Variants in ADGRL3 observed in about 807,000 individuals in gnomAD.
ADGRL3 encodes the protein adhesion G protein-coupled receptor L3.
ADGRL3 carries 62 observed loss-of-function variants against 153.5 expected under a neutral mutation model. The ratio of observed to expected loss-of-function variants is 0.40; its 90% confidence interval spans 0.33 to 0.50. The LOEUF is 0.50. Ranked by LOEUF, ADGRL3 falls within the 20% of genes least tolerant of loss-of-function variation. ADGRL3 has a pLI of 0.47. For synonymous variants in ADGRL3, 710 were observed against 672.5 expected, an observed-to-expected ratio of 1.06 and a Z score of -0.86; for missense variants, 1,641 against 1,859.4, an observed-to-expected ratio of 0.88 and a Z score of 2.16.
intron 2 of ADGRL3, among the ~76,000 whole-genome samples, chr4:61,405,791 C>T (rs1000946349): frequency 6.6e-6 from 1 of 151,812 alleles, no homozygotes; most frequent in Admixed American, 6.6e-5. Context: ...TAATGGTAAG[C>T]TTTCTAAATA....
intron 1 of ADGRL3, among the ~76,000 whole-genome samples, chr4:61,266,009 C>A (rs2092823978): frequency 1.3e-5 from 2 of 151,824 alleles, no homozygotes; most frequent in Admixed American, 6.6e-5. Flanking sequence ...ATATTTAAGT[C>A]TTTTTATATT....
intron 1 of ADGRL3, among the ~76,000 whole-genome samples, chr4:61,229,141 A>AG (rs1365085136): frequency 6.6e-6 from 1 of 152,182 alleles, no homozygotes; most frequent in African/African-American, 2.4e-5. Flanking sequence ...CTATAGGCTG[A>AG]GGCTTTGATT....
chr4:61,668,206 G>A (rs1291523115), intron 5 of ADGRL3, among the ~76,000 whole-genome samples: 1 of 152,204 alleles, frequency 6.6e-6, no homozygotes, highest in African/African-American at 2.4e-5. Context: ...AAAATGTGAT[G>A]TGACTTTAGA....
chr4:61,673,423 A>G (rs1270429108), intron 5 of ADGRL3, among the ~76,000 whole-genome samples: 3 of 151,836 alleles, frequency 2.0e-5, no homozygotes, highest in African/African-American at 7.2e-5. Context: ...ACCAAAAAGC[A>G]TGTTTTTAAT....
At chr4:61,537,288 A>T (rs971546300) in intron 4 of ADGRL3, among the ~76,000 whole-genome samples, 1 of 151,154 alleles carries the variant, frequency 6.6e-6, no homozygotes, top group Non-Finnish European at 1.5e-5. Context: ...TAAGTGATTT[A>T]CCCTTTTCTC....
intron 22 of ADGRL3, among the ~76,000 whole-genome samples, chr4:62,031,016 GAAAAAGCGAGGTAA>G (rs1721719912): frequency 6.6e-6 from 1 of 151,386 alleles, no homozygotes; most frequent in Admixed American, 6.6e-5. Flanking sequence ...AGGACATTTT[GAAAAAGCGAGGTAA>G]AAATGTATCA....
intron 6 of ADGRL3, among the ~76,000 whole-genome samples, chr4:61,682,542 T>A (rs1377947916): frequency 6.7e-6 from 1 of 149,232 alleles, no homozygotes; most frequent in Non-Finnish European, 1.5e-5. Context: ...ATAGCTGGAG[T>A]TACTTTCTTT....
chr4:61,553,140 A>C (rs2098748049), intron 4 of ADGRL3, among the ~76,000 whole-genome samples: 1 of 152,168 alleles, frequency 6.6e-6, no homozygotes, highest in Non-Finnish European at 1.5e-5. Flanking sequence ...GCACATTTGG[A>C]TATGTTACTA....
chr4:61,820,103 A>G (rs1397910685), intron 9 of ADGRL3, among the ~76,000 whole-genome samples: 2 of 152,086 alleles, frequency 1.3e-5, no homozygotes, highest in Non-Finnish European at 2.9e-5. Context: ...CTTTTCTGAT[A>G]GTGTTCATTT....
intron 5 of ADGRL3, among the ~76,000 whole-genome samples, chr4:61,593,348 T>C (rs1185491025): frequency 6.6e-6 from 1 of 151,666 alleles, no homozygotes; most frequent in African/African-American, 2.4e-5. Flanking sequence ...ACCAGGGAGG[T>C]TTTTTTTGTT....
intron 6 of ADGRL3, among the ~76,000 whole-genome samples, chr4:61,722,490 A>T (rs2096259700): frequency 6.6e-6 from 1 of 152,168 alleles, no homozygotes; most frequent in Non-Finnish European, 1.5e-5. Context: ...CAATTCTTTC[A>T]ACTGCCTCGG....
At chr4:62,012,585 C>G (rs1404474151) in intron 21 of ADGRL3, among the ~76,000 whole-genome samples, 4 of 152,116 alleles carry the variant, frequency 2.6e-5, no homozygotes, top group Non-Finnish European at 5.9e-5. Context: ...TACTCCTTGT[C>G]ACATCAAATT....
At position 61,364,349 on chromosome 4, in the gene ADGRL3, AT is replaced by A. The variant is rs530703340; in HGVS notation, c.-239-18774del. ...TCCGTCTCAAAAAAAAAAAAAAATAATAATAATAATAATTTTAAAAATCATG... is the reference window on the plus strand; with the variant it reads ...TCCGTCTCAAAAAAAAAAAAAAATAAAATAATAATAATTTTAAAAATCATG... On this transcript the variant is annotated intron_variant, in intron 1 of 26. Transcript: ENST00000683033. Among the ~76,000 whole-genome samples the A allele has an allele frequency of 5.2e-4, 78 of 149,164 alleles. 1 individual carries two copies. Among genetic ancestry groups the A allele is most frequent in the Admixed American group, 1.6e-3 (24 of 14,984 alleles).
chr4:61,302,262 T>G (rs1197309920), intron 1 of ADGRL3, among the ~76,000 whole-genome samples: 1 of 151,298 alleles, frequency 6.6e-6, no homozygotes, highest in East Asian at 1.9e-4. Context: ...AGGAGAGAGG[T>G]GGGGGAACAA....
At chr4:62,000,469 A>C (rs947054365) in intron 21 of ADGRL3, among the ~76,000 whole-genome samples, 1 of 152,076 alleles carries the variant, frequency 6.6e-6, no homozygotes, top group Non-Finnish European at 1.5e-5. Context: ...GAAAAAATCA[A>C]TAATTATATT....
intron 9 of ADGRL3, among the ~76,000 whole-genome samples, chr4:61,866,062 T>C (rs1386639989): frequency 2.0e-5 from 3 of 152,310 alleles, no homozygotes; most frequent in Admixed American, 6.5e-5. Context: ...TGTATACCTT[T>C]TCTGTGGATA....
intron 2 of ADGRL3, among the ~76,000 whole-genome samples, chr4:61,448,094 G>A (rs896686066): frequency 6.6e-6 from 1 of 152,138 alleles, no homozygotes; most frequent in African/African-American, 2.4e-5. Flanking sequence ...GAACAATCTT[G>A]TCTTTGTTAA....
intron 2 of ADGRL3, among the ~76,000 whole-genome samples, chr4:61,473,627 T>C (rs2097999484): frequency 1.3e-5 from 2 of 151,978 alleles, no homozygotes; most frequent in African/African-American, 4.8e-5. Flanking sequence ...AACCAAAACA[T>C]GTATAGAGTT....
At chr4:61,340,546 A>G (rs2095786753) in intron 1 of ADGRL3, among the ~76,000 whole-genome samples, 1 of 152,048 alleles carries the variant, frequency 6.6e-6, no homozygotes, top group Non-Finnish European at 1.5e-5. Context: ...GTAGACTTTA[A>G]TATGCTGTTG....
Sources: gnomAD v4.1 joint callset for allele counts (sites outside exome capture counted in the v4.1 genomes callset) on GRCh38, gnomAD v4.1.1 for gene constraint, MANE v1.5 for transcripts, NCBI Gene and HGNC (gene_info 2026-07-23, HGNC 2026-07-21) for gene names.